Variants in SHISA9 observed in about 807,000 individuals in gnomAD.
SHISA9 encodes the protein shisa family member 9.
Under a neutral mutation model 38.0 loss-of-function variants are expected in SHISA9, and 13 were observed. That is an observed-to-expected ratio of 0.34 (90% CI 0.22 to 0.54). The LOEUF is 0.54. Ranked by LOEUF, SHISA9 falls within the 20% of genes least tolerant of loss-of-function variation. SHISA9 has a pLI of 0.91. For missense variants in SHISA9, 538 were observed against 575.8 expected, an observed-to-expected ratio of 0.93 and a Z score of 0.67; for synonymous variants, 275 against 242.0, an observed-to-expected ratio of 1.14 and a Z score of -1.27.
At chr16:13,229,053 G>C (rs1219967920) in intron 4 of SHISA9, among the ~76,000 whole-genome samples, 1 of 152,178 alleles carries the variant, frequency 6.6e-6, no homozygotes, top group East Asian at 1.9e-4. Context: ...CTAGCTACTT[G>C]GGAGGCTGAG....
intron 2 of SHISA9, among the ~76,000 whole-genome samples, chr16:13,185,376 T>C (rs192321375): frequency 1.2e-3 from 175 of 152,134 alleles, no homozygotes; most frequent in Non-Finnish European, 2.0e-3. Flanking sequence ...TACTTAAAAA[T>C]TTTTTTGGTA....
chr16:13,006,354 G>A (rs931082286), intron 2 of SHISA9, among the ~76,000 whole-genome samples: 1 of 152,076 alleles, frequency 6.6e-6, no homozygotes, highest in Non-Finnish European at 1.5e-5. Flanking sequence ...CTAGAGGGAG[G>A]AGAAGGGTCT....
In SHISA9 at chr16:13,213,161, G is replaced by A; in HGVS notation, c.848-92G>A. 4 of 1,144,200 alleles carry A rather than the reference G, an allele frequency of 3.5e-6. No homozygotes were observed. In the East Asian group the frequency reaches 1.0e-4, roughly 29 times the overall value. 70.9% of individuals were successfully genotyped at this position (1,144,200 alleles called of 1,614,324 possible). ...CTGTCCCTGCTTGGAGGCTGCAGCA[G>A]GGGCAGCCAACAGCACCTGGGTGTG... On this transcript the variant is annotated intron_variant, in intron 3 of 4. Transcript: ENST00000558583.
the SHISA9 span, among the ~76,000 whole-genome samples, chr16:13,355,261 C>T: frequency 1.2e-4 from 18 of 150,700 alleles, no homozygotes; most frequent in East Asian, 3.9e-4. Flanking sequence ...CTGTAGCAGG[C>T]AAGTAATAAC....
the SHISA9 span, among the ~76,000 whole-genome samples, chr16:13,370,995 C>T: frequency 3.3e-5 from 5 of 152,120 alleles, no homozygotes; most frequent in African/African-American, 9.7e-5. Context: ...TTCCAGCAAA[C>T]GACAAATAAT....
chr16:13,081,405 C>G (rs532900098), intron 2 of SHISA9, among the ~76,000 whole-genome samples: 2 of 152,152 alleles, frequency 1.3e-5, no homozygotes, highest in East Asian at 1.9e-4. Flanking sequence ...GGCTGACAAG[C>G]CAGTCCTCAC....
chr16:13,068,865 ATG>A (rs2073466567), intron 2 of SHISA9, among the ~76,000 whole-genome samples: 1 of 131,080 alleles, frequency 7.6e-6, no homozygotes, highest in Admixed American at 7.5e-5. Context: ...CATACATGCA[ATG>A]TGTGTATGTG....
intron 2 of SHISA9, among the ~76,000 whole-genome samples, chr16:13,186,219 TTGTGTGTG>T (rs139364811): frequency 6.7e-6 from 1 of 149,552 alleles, no homozygotes; most frequent in African/African-American, 2.5e-5. Flanking sequence ...AAGCACATTG[TTGTGTGTG>T]TGTGTGTGTG....
intron 2 of SHISA9, among the ~76,000 whole-genome samples, chr16:13,166,996 T>C (rs1197691522): frequency 6.6e-6 from 1 of 152,114 alleles, no homozygotes; most frequent in Non-Finnish European, 1.5e-5. Context: ...AAAAAATTTT[T>C]TAAGATTTTT....
chr16:13,309,246 C>G, the SHISA9 span, among the ~76,000 whole-genome samples: 2 of 152,024 alleles, frequency 1.3e-5, no homozygotes, highest in African/African-American at 2.4e-5. Context: ...GGATGCTGGG[C>G]TTAATACTTA....
chr16:13,045,723 A>G (rs184510891), intron 2 of SHISA9, among the ~76,000 whole-genome samples: 69 of 149,182 alleles, frequency 4.6e-4, no homozygotes, highest in Middle Eastern at 3.5e-3. Context: ...CATGGAAAAG[A>G]AAGTGACTGG....
At chr16:13,313,426 C>T in the SHISA9 span, among the ~76,000 whole-genome samples, 2 of 152,114 alleles carry the variant, frequency 1.3e-5, no homozygotes, top group Non-Finnish European at 1.5e-5. Context: ...ACCCAACTCC[C>T]AACCATCATA....
chr16:13,511,642 A>T, the SHISA9 span, among the ~76,000 whole-genome samples: 1 of 152,168 alleles, frequency 6.6e-6, no homozygotes, highest in East Asian at 1.9e-4. Context: ...TTATTACTGG[A>T]AGAGTTTTCA....
the SHISA9 span, among the ~76,000 whole-genome samples, chr16:13,421,661 A>C: frequency 6.6e-6 from 1 of 152,214 alleles, no homozygotes; most frequent in Non-Finnish European, 1.5e-5. Flanking sequence ...CAATAGAACA[A>C]AGTAAACACT....
chr16:13,333,244 A>G, the SHISA9 span, among the ~76,000 whole-genome samples: 2 of 152,228 alleles, frequency 1.3e-5, no homozygotes, highest in African/African-American at 4.8e-5. Context: ...AGCCAGGGAC[A>G]TGGGAGGACC....
intron 2 of SHISA9, among the ~76,000 whole-genome samples, chr16:13,114,335 G>A (rs1013507691): frequency 3.3e-5 from 5 of 151,398 alleles, no homozygotes; most frequent in Admixed American, 6.6e-5. Flanking sequence ...GTGTGGTGGC[G>A]GGCGCCTGTA....
At chr16:13,204,064 T>C (rs2051035403) in intron 3 of SHISA9, among the ~76,000 whole-genome samples, 1 of 152,166 alleles carries the variant, frequency 6.6e-6, no homozygotes, top group African/African-American at 2.4e-5. Context: ...CTTCTATCCA[T>C]CTACCTATCC....
At chr16:13,045,030 C>T (rs2141892294) in intron 2 of SHISA9, among the ~76,000 whole-genome samples, 1 of 152,220 alleles carries the variant, frequency 6.6e-6, no homozygotes, top group African/African-American at 2.4e-5. Flanking sequence ...GGCTTCATGC[C>T]CGTGATGTGT....
the SHISA9 span, among the ~76,000 whole-genome samples, chr16:13,340,725 A>G: frequency 1.3e-5 from 2 of 152,312 alleles, no homozygotes; most frequent in South Asian, 4.1e-4. Context: ...ATGGCCCTGC[A>G]AGGCTTTAAC....
Sources: gnomAD v4.1 joint callset for allele counts (sites outside exome capture counted in the v4.1 genomes callset) on GRCh38, gnomAD v4.1.1 for gene constraint, MANE v1.5 for transcripts, NCBI Gene and HGNC (gene_info 2026-07-23, HGNC 2026-07-21) for gene names.